Variants in CLDN10 observed in about 807,000 individuals in gnomAD.
CLDN10 encodes claudin-10.
Under a neutral mutation model 22.9 loss-of-function variants are expected in CLDN10, and 15 were observed. The observed-to-expected ratio is 0.65, with a 90% CI of 0.44 to 1.01. The LOEUF (loss-of-function observed/expected upper bound fraction) is 1.01. Ranked by LOEUF, CLDN10 falls within the 50% of genes least tolerant of loss-of-function variation. CLDN10 has a pLI of 0.00. For synonymous variants in CLDN10, 114 were observed against 111.4 expected (o/e 1.02, Z -0.15); for missense variants, 247 against 287.8 (o/e 0.86, Z 1.03).
chr13:95,535,859 C>T (rs1218387428), intron 1 of CLDN10, among the ~76,000 whole-genome samples: 2 of 151,834 alleles, frequency 1.3e-5, no homozygotes, highest in African/African-American at 4.8e-5. Context: ...CTATGGAAGC[C>T]GAAAGAATAA....
chr13:95,462,335 C>A (rs1054446997), intron 1 of CLDN10, among the ~76,000 whole-genome samples: 8 of 152,168 alleles, frequency 5.3e-5, no homozygotes, highest in Non-Finnish European at 1.0e-4. Context: ...AGATTATAAT[C>A]TTTATAGCCA....
chr13:95,510,850 C>T (rs867319005), intron 1 of CLDN10, among the ~76,000 whole-genome samples: 1 of 151,976 alleles, frequency 6.6e-6, no homozygotes, highest in Non-Finnish European at 1.5e-5. Context: ...AGTAAGTCTA[C>T]AATAAACCAG....
chr13:95,468,020 C>T (rs1227814462), intron 1 of CLDN10, among the ~76,000 whole-genome samples: 1 of 152,206 alleles, frequency 6.6e-6, no homozygotes, highest in African/African-American at 2.4e-5. Context: ...GAGGAATCTG[C>T]TTTACTTAGT....
chr13:95,575,427 A>G (rs1362282477), intron 3 of CLDN10, among the ~76,000 whole-genome samples: 2 of 152,198 alleles, frequency 1.3e-5, no homozygotes, highest in Admixed American at 6.5e-5. Context: ...TCTGTGCATA[A>G]TCTCATTAAA....
At chr13:95,485,448 G>A (rs960667016) in intron 1 of CLDN10, among the ~76,000 whole-genome samples, 3 of 152,150 alleles carry the variant, frequency 2.0e-5, no homozygotes, top group African/African-American at 7.2e-5. Context: ...TTACACCACA[G>A]GTCTATGAGT....
chr13:95,454,730 A>G (rs781537228), intron 1 of CLDN10, among the ~76,000 whole-genome samples: 15 of 152,220 alleles, frequency 9.9e-5, no homozygotes, highest in African/African-American at 2.2e-4. Context: ...CTTGACTCCT[A>G]TGAAAATTCA....
At position 95,512,121 on chromosome 13, in the gene CLDN10, C is replaced by CTTTTTTTT. The variant is rs57359573; in HGVS notation, c.215-48009_215-48002dup. Among the ~76,000 whole-genome samples, 2 of 10,492 alleles carry CTTTTTTTT rather than the reference C, an allele frequency of 1.9e-4. 1 individual carries two copies. The highest frequency in any genetic ancestry group is 4.0e-4 in the African/African-American group (2 of 4,994). The allele number at this position is 10,492 out of a possible 152,430, so 6.9% of individuals were successfully genotyped here. A position where few individuals can be genotyped will look rare whatever the true frequency, so the allele number is the denominator to read the frequency against. On this transcript the variant is annotated intron_variant, in intron 1 of 4. Coordinates refer to the CLDN10 transcript ENST00000376873. ...TCATCTCAGACAAAGATCGTCTCTC[C>CTTTTTTTT]TTTTTTTTTGGTTTTTGTTTGTTTG...
At chr13:95,525,090 C>T (rs1048113740) in intron 1 of CLDN10, among the ~76,000 whole-genome samples, 8 of 151,990 alleles carry the variant, frequency 5.3e-5, no homozygotes, top group Non-Finnish European at 8.8e-5. Flanking sequence ...AACTCCCGAC[C>T]TCAGGTGATT....
chr13:95,468,321 G>A (rs2042598879), intron 1 of CLDN10, among the ~76,000 whole-genome samples: 1 of 152,132 alleles, frequency 6.6e-6, no homozygotes, highest in Non-Finnish European at 1.5e-5. Context: ...TACCGTCTTT[G>A]ACAGTTTCTT....
chr13:95,495,743 C>CAAAAAAAAAAAAAAAAAAAAAAAAAAA, intron 1 of CLDN10, among the ~76,000 whole-genome samples: 1 of 85,726 alleles, frequency 1.2e-5, no homozygotes, highest in Admixed American at 1.4e-4. Context: ...GACTCCACCT[C>CAAAAAAAAAAAAAAAAAAAAAAAAAAA]AAAAAAAAAA....
At chr13:95,435,200 T>G (rs983112360) in intron 1 of CLDN10, among the ~76,000 whole-genome samples, 3 of 152,206 alleles carry the variant, frequency 2.0e-5, no homozygotes, top group African/African-American at 7.2e-5. Context: ...TGCCTCTGCT[T>G]TCTGCAAATT....
At chr13:95,472,661 C>T (rs563152817) in intron 1 of CLDN10, among the ~76,000 whole-genome samples, 102 of 141,690 alleles carry the variant, frequency 7.2e-4, no homozygotes, top group South Asian at 4.4e-3. Context: ...CAGAGCGAGA[C>T]TCCGTCTCAA....
At chr13:95,503,497 T>C (rs73545027) in intron 1 of CLDN10, among the ~76,000 whole-genome samples, 11,192 of 152,196 alleles carry the variant, frequency 0.074, 459 homozygotes, top group Non-Finnish European at 0.086. Flanking sequence ...GGTTAAATAC[T>C]CAAAAGAATG....
At chr13:95,512,989 C>A (rs1475067401) in intron 1 of CLDN10, among the ~76,000 whole-genome samples, 1 of 152,192 alleles carries the variant, frequency 6.6e-6, no homozygotes, top group African/African-American at 2.4e-5. Flanking sequence ...GATCCTCCCA[C>A]CTCAGCCTCC....
intron 1 of CLDN10, among the ~76,000 whole-genome samples, chr13:95,501,668 G>A (rs2042986934): frequency 6.6e-6 from 1 of 151,930 alleles, no homozygotes; most frequent in Admixed American, 6.6e-5. Context: ...TCTTTATATT[G>A]CAAGTGCATT....
At chr13:95,571,449 T>C (rs1331045605) in intron 3 of CLDN10, among the ~76,000 whole-genome samples, 1 of 152,194 alleles carries the variant, frequency 6.6e-6, no homozygotes, top group Non-Finnish European at 1.5e-5. Flanking sequence ...CTGTCACTAT[T>C]TTGCAAGTCT....
chr13:95,436,220 G>C (rs1192386981), intron 1 of CLDN10, among the ~76,000 whole-genome samples: 1 of 152,084 alleles, frequency 6.6e-6, no homozygotes, highest in African/African-American at 2.4e-5. Flanking sequence ...ACCTTGCTTT[G>C]TTGCCAAGGT....
intron 1 of CLDN10, among the ~76,000 whole-genome samples, chr13:95,512,034 A>G (rs1256296151): frequency 9.4e-6 from 1 of 106,098 alleles, no homozygotes; most frequent in East Asian, 3.0e-4. Context: ...AGAGTTTTTG[A>G]TGTTAATATG....
intron 3 of CLDN10, among the ~76,000 whole-genome samples, chr13:95,564,541 T>C (rs890905617): frequency 3.3e-5 from 5 of 152,188 alleles, no homozygotes; most frequent in Non-Finnish European, 5.9e-5. Flanking sequence ...AGTTTAGACC[T>C]CAGAGCATGG....
Sources: allele counts gnomAD v4.1 joint callset (sites outside exome capture counted in the v4.1 genomes callset), GRCh38; gene constraint gnomAD v4.1.1; transcripts MANE v1.5; gene names NCBI Gene and HGNC (gene_info 2026-07-23, HGNC 2026-07-21).